DNAH7: variants seen among roughly 807,000 people sequenced by gnomAD.
The protein encoded by DNAH7 is dynein axonemal heavy chain 7.
A neutral mutation model predicts 444.6 loss-of-function variants in DNAH7; 397 were observed. The ratio of observed to expected loss-of-function variants is 0.89; its 90% CI spans 0.82 to 0.97. DNAH7 has a LOEUF of 0.97. DNAH7 is among the 50% of genes least tolerant of loss of function. DNAH7 has a pLI of 0.00. For missense variants in DNAH7, 4,902 were observed against 4,800.8 expected (o/e 1.02, Z -0.62); for synonymous variants, 1,636 against 1,624.4 (o/e 1.01, Z -0.17).
intron 19 of DNAH7, among the ~76,000 whole-genome samples, chr2:195,937,448 C>A (rs1689131449): frequency 6.6e-6 from 1 of 152,098 alleles, no homozygotes; most frequent in South Asian, 2.1e-4. Flanking sequence ...TCACTGTGAG[C>A]TGTTTGCTTT....
At chr2:195,980,836 A>G (rs1692525704) in intron 15 of DNAH7, among the ~76,000 whole-genome samples, 1 of 152,036 alleles carries the variant, frequency 6.6e-6, no homozygotes, top group East Asian at 1.9e-4. Flanking sequence ...ACCCTCAAAA[A>G]TTGTGCACAG....
At chr2:195,852,909 CACACACAGAGAGAGAG>C (rs1267663460) in intron 46 of DNAH7, among the ~76,000 whole-genome samples, 1 of 125,864 alleles carries the variant, frequency 7.9e-6, no homozygotes, top group African/African-American at 3.3e-5. Context: ...CACACACACA[CACACACAGAGAGAGAG>C]AGAGAGAGAG....
At position 195,900,318 on chromosome 2, in the gene DNAH7, G is replaced by A. The variant is rs752990505; in HGVS notation, c.4512C>T (p.Ala1504=). Residue 1504 remains alanine (A), a synonymous_variant, in exon 28 of 65, where the codon GCC becomes GCT. Transcript: ENST00000312428. The stretch of plus-strand genomic sequence containing the variant: ...CAGCAGCAGTAAGAACTGACTTCAC[G>A]GCTCTCATTCCATAGTCGTAGTGAT... ...SQHHYDYGMR[A]VKSVLTAAGN... 88 of 1,613,790 alleles carry A rather than the reference G, an allele frequency of 5.5e-5. No homozygotes were observed. Among genetic ancestry groups the A allele is most frequent in the African/African-American group, 9.4e-5 (7 of 74,864 alleles).
chr2:195,759,464 G>A (rs956404766), intron 61 of DNAH7, among the ~76,000 whole-genome samples: 9 of 152,148 alleles, frequency 5.9e-5, no homozygotes, highest in South Asian at 2.1e-4. Context: ...GACCCTGCAC[G>A]TTTCCACCTT....
chr2:195,763,905 C>G (rs1025795462), intron 61 of DNAH7, among the ~76,000 whole-genome samples: 1 of 151,648 alleles, frequency 6.6e-6, no homozygotes, highest in African/African-American at 2.4e-5. Flanking sequence ...TTACCAAAAC[C>G]AGACAAAGAC....
intron 19 of DNAH7, among the ~76,000 whole-genome samples, chr2:195,951,407 G>A (rs528864979): frequency 1.1e-4 from 17 of 152,290 alleles, no homozygotes; most frequent in Non-Finnish European, 7.3e-5. Flanking sequence ...TGAGAAGAAT[G>A]TATATTCTGT....
At chr2:196,057,773 G>A (rs983194802) in intron 2 of DNAH7, among the ~76,000 whole-genome samples, 3 of 152,022 alleles carry the variant, frequency 2.0e-5, no homozygotes, top group Admixed American at 6.6e-5. Context: ...TAACTCAACC[G>A]CATTAAACTC....
At chr2:195,761,166 C>A (rs898839116) in intron 61 of DNAH7, among the ~76,000 whole-genome samples, 3 of 149,800 alleles carry the variant, frequency 2.0e-5, no homozygotes, top group Admixed American at 6.7e-5. Context: ...AAGAATCAAG[C>A]AGAAATTCTG....
At chr2:195,813,911 T>C (rs762320335) in intron 51 of DNAH7, among the ~76,000 whole-genome samples, 14 of 152,364 alleles carry the variant, frequency 9.2e-5, no homozygotes, top group Non-Finnish European at 2.1e-4. Context: ...TGTGCATTAA[T>C]TTCACAAGCA....
In DNAH7 at chr2:195,996,221, G is replaced by C. The variant is rs1693687081; in HGVS notation, c.1353+4483C>G. Among the ~76,000 whole-genome samples the C allele has an allele frequency of 3.3e-5, 5 of 152,140 alleles. No homozygotes were observed. The South Asian group carries it at 1.0e-3, about 32-fold the overall frequency. The stretch of plus-strand genomic sequence containing the variant: ...ACTTATTCACTGACCTTTGATCTTT[G>C]ATTCTGTGAACAGCAACCAGAGCAG... On this transcript the variant is annotated intron_variant, in intron 12 of 64. Coordinates refer to ENST00000312428, the MANE Select transcript of DNAH7 (RefSeq NM_018897.3).
intron 59 of DNAH7, 104 bp downstream of exon 59, chr2:195,777,696 C>T: frequency 8.1e-7 from 1 of 1,227,548 alleles, no homozygotes; most frequent in Non-Finnish European, 1.1e-6. Flanking sequence ...ACAAGGGTAA[C>T]AAAAAAACAA....
intron 34 of DNAH7, 121 bp downstream of exon 34, chr2:195,886,020 A>G (rs1701686379): frequency 7.7e-6 from 9 of 1,167,454 alleles, no homozygotes; most frequent in Admixed American, 2.6e-5. Context: ...TTCTTCAGCT[A>G]CCACCCGTTG....
At chr2:195,764,821 A>T (rs184363993) in intron 61 of DNAH7, among the ~76,000 whole-genome samples, 3 of 152,112 alleles carry the variant, frequency 2.0e-5, no homozygotes, top group Admixed American at 6.6e-5. Flanking sequence ...AAAGCAGTCT[A>T]TAGATTCAGT....
intron 56 of DNAH7, among the ~76,000 whole-genome samples, chr2:195,795,314 G>A (rs564352749): frequency 2.0e-5 from 3 of 152,238 alleles, no homozygotes; most frequent in East Asian, 1.9e-4. Flanking sequence ...CCCAGGGGGC[G>A]GAGGTTGCAG....
rs183241590 is a variant in DNAH7 at position 195,954,380 on chromosome 2, G to C, written c.3078+2881C>G. On this transcript the variant is annotated intron_variant, in intron 19 of 64. Transcript: ENST00000312428. Reference sequence around the variant, plus strand: ...ACTCATCCTTATTTATGGCTGCATAGTATTCCATTGTGTATATGTGCCACA... The same window carrying C: ...ACTCATCCTTATTTATGGCTGCATACTATTCCATTGTGTATATGTGCCACA... 3.1e-3 allele frequency among the ~76,000 whole-genome samples: 476 copies of C among 152,270 alleles called. 3 individuals carry two copies. The highest frequency in any genetic ancestry group is 0.011 in the African/African-American group (457 of 41,544).
At chr2:195,878,622 A>C (rs1701193449) in intron 36 of DNAH7, among the ~76,000 whole-genome samples, 1 of 152,170 alleles carries the variant, frequency 6.6e-6, no homozygotes, top group African/African-American at 2.4e-5. Context: ...AAATAATGAA[A>C]ATAAGAATGC....
At chr2:195,953,324 C>A (rs1428828515) in intron 19 of DNAH7, among the ~76,000 whole-genome samples, 1 of 152,158 alleles carries the variant, frequency 6.6e-6, no homozygotes, top group Non-Finnish European at 1.5e-5. Context: ...CCCAGAGGGG[C>A]ACCCGCCAGA....
intron 58 of DNAH7, among the ~76,000 whole-genome samples, chr2:195,786,153 T>C (rs1695612369): frequency 1.3e-5 from 2 of 152,216 alleles, no homozygotes; most frequent in Non-Finnish European, 2.9e-5. Context: ...CAGTTTCTTC[T>C]TTACTTTTAT....
chr2:195,955,116 T>A (rs897575260), intron 19 of DNAH7, among the ~76,000 whole-genome samples: 8 of 152,226 alleles, frequency 5.3e-5, no homozygotes, highest in African/African-American at 1.9e-4. Flanking sequence ...ATGTCTTGAA[T>A]GGTATTGCCT....
Sources: gnomAD v4.1 joint callset for allele counts (sites outside exome capture counted in the v4.1 genomes callset) on GRCh38, gnomAD v4.1.1 for gene constraint, MANE v1.5 for transcripts, NCBI Gene and HGNC (gene_info 2026-07-23, HGNC 2026-07-21) for gene names.